The following ASIC2 variants were observed in gnomAD, a reference collection of about 807,000 sequenced individuals.
ASIC2 encodes the protein acid-sensing ion channel 2.
A neutral mutation model predicts 57.3 loss-of-function variants in ASIC2; 25 were observed. The ratio of observed to expected loss-of-function variants is 0.44; its 90% CI spans 0.32 to 0.61. The LOEUF is 0.61. Among genes scored for constraint, ASIC2 ranks in the 20% least tolerant of loss-of-function variants. The pLI, the probability that ASIC2 is intolerant of heterozygous loss-of-function variation, is 0.06. For missense variants in ASIC2, 641 were observed against 738.1 expected (o/e 0.87, Z 1.52); for synonymous variants, 319 against 307.5 (o/e 1.04, Z -0.39).
intron 1 of ASIC2, among the ~76,000 whole-genome samples, chr17:33,429,601 A>G (rs1306096722): frequency 1.3e-5 from 2 of 152,102 alleles, no homozygotes; most frequent in Non-Finnish European, 2.9e-5. Context: ...TGTGTTAGCC[A>G]GGATGGTCTC....
At chr17:34,064,112 C>T (rs929347255) in intron 1 of ASIC2, among the ~76,000 whole-genome samples, 2 of 152,154 alleles carry the variant, frequency 1.3e-5, no homozygotes, top group African/African-American at 4.8e-5. Flanking sequence ...CATCACACTA[C>T]CTGATTTCAA....
At chr17:33,645,045 C>T (rs1006745856) in intron 1 of ASIC2, among the ~76,000 whole-genome samples, 4 of 152,096 alleles carry the variant, frequency 2.6e-5, no homozygotes, top group Non-Finnish European at 5.9e-5. Context: ...TAGTTTATTG[C>T]GCGTGTTCCT....
At chr17:33,512,298 T>C (rs768480410) in intron 1 of ASIC2, among the ~76,000 whole-genome samples, 15 of 152,170 alleles carry the variant, frequency 9.9e-5, no homozygotes, top group Admixed American at 4.6e-4. Context: ...CCTGGAAGAA[T>C]TGGCAAAACA....
At chr17:33,884,778 G>T (rs1189790887) in intron 1 of ASIC2, among the ~76,000 whole-genome samples, 1 of 151,948 alleles carries the variant, frequency 6.6e-6, no homozygotes, top group African/African-American at 2.4e-5. Flanking sequence ...CCCTTCAATG[G>T]TTCCCTGAAG....
chr17:33,301,103 C>A (rs1760325131), intron 1 of ASIC2, among the ~76,000 whole-genome samples: 1 of 151,832 alleles, frequency 6.6e-6, no homozygotes, highest in Non-Finnish European at 1.5e-5. Context: ...GATCTCGACT[C>A]ACGGCAACCT....
At chr17:33,335,866 GCCTTCCAGCT>G (rs1907493067) in intron 1 of ASIC2, among the ~76,000 whole-genome samples, 1 of 152,218 alleles carries the variant, frequency 6.6e-6, no homozygotes, top group Non-Finnish European at 1.5e-5. Context: ...CCAGAGTTCA[GCCTTCCAGCT>G]CCAATCGCAG....
At chr17:33,586,600 C>T (rs1267104201) in intron 1 of ASIC2, among the ~76,000 whole-genome samples, 1 of 152,130 alleles carries the variant, frequency 6.6e-6, no homozygotes, top group Non-Finnish European at 1.5e-5. Flanking sequence ...TGAATATGCC[C>T]AATGTATTCC....
chr17:34,097,614 G>A (rs1910594267), intron 1 of ASIC2, among the ~76,000 whole-genome samples: 1 of 152,234 alleles, frequency 6.6e-6, no homozygotes, highest in Non-Finnish European at 1.5e-5. Context: ...GGCAGAGATT[G>A]GAGTTATTTT....
intron 1 of ASIC2, among the ~76,000 whole-genome samples, chr17:33,852,908 T>G (rs1373323553): frequency 6.6e-6 from 1 of 152,160 alleles, no homozygotes; most frequent in Non-Finnish European, 1.5e-5. Context: ...TACTCCAGAA[T>G]GCAGTACCAA....
At chr17:33,275,173 C>T (rs946251261) in intron 1 of ASIC2, among the ~76,000 whole-genome samples, 9 of 152,124 alleles carry the variant, frequency 5.9e-5, no homozygotes, top group East Asian at 1.9e-4. Flanking sequence ...GGCACTCCTG[C>T]GAGCCAAAGT....
intron 2 of ASIC2, among the ~76,000 whole-genome samples, chr17:33,092,497 G>A (rs111392739): frequency 0.037 from 5,702 of 152,340 alleles, 184 homozygotes; most frequent in African/African-American, 0.077. Context: ...CTTGGGTGAT[G>A]CTTCCTGGGA....
intron 1 of ASIC2, among the ~76,000 whole-genome samples, chr17:33,874,202 C>T (rs988225298): frequency 1.3e-5 from 2 of 152,154 alleles, no homozygotes; most frequent in African/African-American, 4.8e-5. Context: ...GGCTGGGCCC[C>T]CTTGGCTCCA....
At chr17:33,774,740 T>C (rs1877078555) in intron 1 of ASIC2, among the ~76,000 whole-genome samples, 1 of 152,210 alleles carries the variant, frequency 6.6e-6, no homozygotes, top group Non-Finnish European at 1.5e-5. Context: ...ACTAGAATTC[T>C]GCTAGTAAAG....
At chr17:33,922,602 T>C (rs1006581388) in intron 1 of ASIC2, among the ~76,000 whole-genome samples, 3 of 152,224 alleles carry the variant, frequency 2.0e-5, no homozygotes, top group African/African-American at 7.2e-5. Context: ...TCTACAAATG[T>C]GAACTATGTA....
intron 1 of ASIC2, among the ~76,000 whole-genome samples, chr17:33,159,788 C>T (rs137944771): frequency 6.6e-6 from 1 of 152,150 alleles, no homozygotes; most frequent in African/African-American, 2.4e-5. Context: ...GGATGAGTTA[C>T]TTAATCTTCT....
chr17:33,972,174 T>A (rs1894434578), intron 1 of ASIC2, among the ~76,000 whole-genome samples: 1 of 152,234 alleles, frequency 6.6e-6, no homozygotes, highest in African/African-American at 2.4e-5. Flanking sequence ...ATTATACACC[T>A]TACTTACCAA....
At chr17:33,838,293 A>G (rs1913330745) in intron 1 of ASIC2, among the ~76,000 whole-genome samples, 1 of 152,148 alleles carries the variant, frequency 6.6e-6, no homozygotes, top group Admixed American at 6.5e-5. Context: ...GCTCTTTAAG[A>G]AGGCAAACAG....
At chr17:34,155,938 C>T in intron 1 of ASIC2, 2 of 1,556,424 alleles carry the variant, frequency 1.3e-6, no homozygotes, top group Non-Finnish European at 1.7e-6. Context: ...ACCACTTCTC[C>T]AGAGGACCAG....
At chr17:33,779,216 T>C (rs562373098) in intron 1 of ASIC2, among the ~76,000 whole-genome samples, 1 of 152,162 alleles carries the variant, frequency 6.6e-6, no homozygotes, top group Non-Finnish European at 1.5e-5. Context: ...GCTTTGAACC[T>C]CTTAGAATTC....
Sources: gnomAD v4.1 joint callset for allele counts (sites outside exome capture counted in the v4.1 genomes callset) on GRCh38, gnomAD v4.1.1 for gene constraint, MANE v1.5 for transcripts, NCBI Gene and HGNC (gene_info 2026-07-23, HGNC 2026-07-21) for gene names.